Variants in HIF3A observed in about 807,000 individuals in gnomAD.
HIF3A encodes the protein hypoxia-inducible factor 3-alpha.
HIF3A carries 41 observed loss-of-function variants against 67.2 expected under a neutral mutation model. The observed-to-expected ratio is 0.61, with a 90% confidence interval of 0.48 to 0.79. HIF3A has a LOEUF of 0.79. HIF3A is among the 30% of genes least tolerant of loss of function. HIF3A has a pLI of 0.00. For synonymous variants in HIF3A, 356 were observed against 374.8 expected, an observed-to-expected ratio of 0.95 and a Z score of 0.58; for missense variants, 855 against 898.0, an observed-to-expected ratio of 0.95 and a Z score of 0.61.
chr19:46,331,142 C>G lies in HIF3A; in HGVS notation c.1713-14C>G. ...GTTTGCTGTGTCCTGAGATTCTTGC[C>G]TGTTTTCCTCCAGGACCCTGGCCCA... On this transcript the variant is annotated splice_polypyrimidine_tract_variant and intron_variant, in intron 12 of 14. Transcript: ENST00000377670. 3 of 1,602,046 alleles carry G rather than the reference C, an allele frequency of 1.9e-6. No homozygotes were observed. The highest frequency in any genetic ancestry group is 2.6e-6 in the Non-Finnish European group (3 of 1,171,614).
At chr19:46,307,914 A>T (rs971690511) in intron 3 of HIF3A, among the ~76,000 whole-genome samples, 1 of 152,142 alleles carries the variant, frequency 6.6e-6, no homozygotes, top group Non-Finnish European at 1.5e-5. Flanking sequence ...AGCCTGGGCA[A>T]CAGAGCAAGA....
chr19:46,325,157 C>A (rs1047260499), intron 10 of HIF3A, among the ~76,000 whole-genome samples: 1 of 151,320 alleles, frequency 6.6e-6, no homozygotes, highest in Non-Finnish European at 1.5e-5. Context: ...CCACCACACC[C>A]AGCTAATTTT....
chr19:46,330,810 G>A (rs1264318523), intron 12 of HIF3A, among the ~76,000 whole-genome samples: 1 of 150,960 alleles, frequency 6.6e-6, no homozygotes, highest in Non-Finnish European at 1.5e-5. Context: ...ATGGATGGTG[G>A]ATGGCTGGCA....
In HIF3A at chr19:46,325,591, C is replaced by G. The variant is rs1220717991; in HGVS notation, c.1392C>G (p.Thr464=). ...VGTENVHRLF[T]SGKDTEAVET... Reference sequence around the variant, plus strand: ...CCGAGAATGTGCACAGACTCTTCACCTCCGGGAAAGACACTGAGGCAGTGG... The same window carrying G: ...CCGAGAATGTGCACAGACTCTTCACGTCCGGGAAAGACACTGAGGCAGTGG... Residue 464 remains threonine, a synonymous_variant, in exon 11 of 15, where the codon ACC becomes ACG. Transcript: ENST00000377670. 2 of 1,613,408 alleles carry G rather than the reference C, an allele frequency of 1.2e-6. No homozygotes were observed. Among genetic ancestry groups the G allele is most frequent in the Non-Finnish European group, 1.7e-6 (2 of 1,179,882 alleles).
intron 14 of HIF3A, among the ~76,000 whole-genome samples, chr19:46,336,470 C>T (rs545564640): frequency 2.0e-5 from 3 of 152,074 alleles, no homozygotes; most frequent in African/African-American, 7.2e-5. Context: ...CGGGCTCAAG[C>T]GATCCTCCCA....
chr19:46,309,960 C>T (rs1355277258), intron 6 of HIF3A, among the ~76,000 whole-genome samples: 1 of 152,128 alleles, frequency 6.6e-6, no homozygotes, highest in Non-Finnish European at 1.5e-5. Context: ...TGCAGTGGCT[C>T]ATACCTGTAA....
chr19:46,316,240 A>G (rs1381418066), intron 8 of HIF3A, among the ~76,000 whole-genome samples: 1 of 152,122 alleles, frequency 6.6e-6, no homozygotes, highest in African/African-American at 2.4e-5. Flanking sequence ...CCAAAAAAAG[A>G]AAAACAGAAA....
chr19:46,313,142 T>A, intron 8 of HIF3A: 1 of 541,480 alleles, frequency 1.8e-6, no homozygotes, highest in Non-Finnish European at 2.4e-6. Context: ...TCCCAACTAC[T>A]CGGGAGGCTG....
At chr19:46,318,188 C>T (rs3944020) in intron 8 of HIF3A, among the ~76,000 whole-genome samples, 87,224 of 150,990 alleles carry the variant, frequency 0.58, 26,446 homozygotes, top group Non-Finnish European at 0.69. Flanking sequence ...AAGCATGATG[C>T]CAGCCACATA....
intron 13 of HIF3A, 102 bp from the exon 14 acceptor site, chr19:46,334,803 G>T: frequency 4.5e-6 from 4 of 887,032 alleles, no homozygotes; most frequent in Non-Finnish European, 7.2e-6. Flanking sequence ...CAATCCTCTG[G>T]CCTCAGCCCC....
At chr19:46,321,575 C>T (rs1384749604) in intron 9 of HIF3A, among the ~76,000 whole-genome samples, 2 of 152,132 alleles carry the variant, frequency 1.3e-5, no homozygotes, top group Admixed American at 6.5e-5. Flanking sequence ...CAGAGCTAGA[C>T]TCCATCTCAA....
chr19:46,338,588 T>A, intron 14 of HIF3A: 1 of 1,045,598 alleles, frequency 9.6e-7, no homozygotes, highest in Non-Finnish European at 1.2e-6. Flanking sequence ...CTGACTTAAC[T>A]GCTTTCTCAC....
chr19:46,327,728 A>G (rs1970894647), intron 11 of HIF3A, among the ~76,000 whole-genome samples: 1 of 151,808 alleles, frequency 6.6e-6, no homozygotes. Flanking sequence ...ACTCCTGTAG[A>G]CTCCCTCAAG....
In HIF3A at chr19:46,321,865, C is replaced by A. The variant is rs751006910; in HGVS notation, c.1234C>A (p.Pro412Thr). The change falls in exon 10 of 15, where the codon CCT becomes ACT. Residue 412 changes from proline to threonine, a missense_variant. Physicochemically the swap from Pro to Thr is conservative, Grantham distance 38. This residue lies in a region of HIF3A where 638 missense variants were observed against 660.5 expected (regional missense o/e 0.97). Coordinates refer to ENST00000377670, the MANE Select transcript of HIF3A (RefSeq NM_152795.4). ...LAADPRRFCS[P>T]DLRRLLGPIL... ...CGCTGACCCCCGCCGTTTCTGCAGC[C>A]CTGACCTCCGTCGCCTCCTGGGACC... 2.5e-6 allele frequency: 4 copies of A among 1,614,054 alleles called. No homozygotes were observed. The highest frequency in any genetic ancestry group is 4.5e-5 in the East Asian group (2 of 44,864).
Position 46,329,421 on chromosome 19 carries a change from C to G in HIF3A, c.1655C>G (p.Ser552Cys), listed in dbSNP as rs754383050. 6.3e-7 allele frequency: 1 copy of G among 1,587,968 alleles called. No individual in the cohort carries two copies. The highest frequency in any genetic ancestry group is 1.3e-5 in the African/African-American group (1 of 74,306). The change falls in exon 12 of 15, where the codon TCC (serine) becomes TGC (cysteine). Residue 552 changes from serine to cysteine, a missense_variant. This residue lies in a region of HIF3A where 199 missense variants were observed against 193.8 expected (regional missense o/e 1.03). Transcript: ENST00000377670. Reference protein sequence around the residue: ...RWGSDPRLSCSSPSRGDPSAS... With the variant: ...RWGSDPRLSCCSPSRGDPSAS... ...GGGAGTGACCCCCGGCTGAGCTGCT[C>G]CAGCCCTTCCAGAGGGGACCCCTCA...
intron 11 of HIF3A, among the ~76,000 whole-genome samples, chr19:46,328,876 A>C (rs1291276302): frequency 1.3e-5 from 2 of 152,086 alleles, no homozygotes; most frequent in Non-Finnish European, 2.9e-5. Flanking sequence ...ATGGGCCACC[A>C]TACCTGGCTA....
chr19:46,333,242 G>A (rs751477565), intron 13 of HIF3A, among the ~76,000 whole-genome samples: 55 of 152,166 alleles, frequency 3.6e-4, no homozygotes, highest in Non-Finnish European at 6.3e-4. Flanking sequence ...AGGAAAGGCA[G>A]CACACTCAGA....
chr19:46,336,575 CAG>C (rs1455057416), intron 14 of HIF3A, among the ~76,000 whole-genome samples: 1 of 152,110 alleles, frequency 6.6e-6, no homozygotes, highest in African/African-American at 2.4e-5. Context: ...TTAGTAGAGA[CAG>C]AATTTCACCA....
At chr19:46,301,173 A>G (rs1415632266) in intron 1 of HIF3A, among the ~76,000 whole-genome samples, 1 of 151,680 alleles carries the variant, frequency 6.6e-6, no homozygotes, top group Non-Finnish European at 1.5e-5. Context: ...CTCCATCCAA[A>G]CTGCCCCCTT....
Sources: allele counts gnomAD v4.1 joint callset (sites outside exome capture counted in the v4.1 genomes callset), GRCh38; gene constraint gnomAD v4.1.1; regional missense constraint gnomAD v4.1.1; transcripts MANE v1.5; gene names NCBI Gene and HGNC (gene_info 2026-07-23, HGNC 2026-07-21).